The following SHTN1 variants were observed in gnomAD, a reference collection of about 807,000 sequenced individuals.
SHTN1 encodes shootin-1.
In SHTN1, 42 loss-of-function variants were observed where a neutral mutation model predicts 83.1. That is an observed-to-expected ratio of 0.51 (90% CI 0.39 to 0.65). The LOEUF (loss-of-function observed/expected upper bound fraction) is 0.65, where lower values mean the gene tolerates loss of function less well. Ranked by LOEUF, SHTN1 falls within the 30% of genes least tolerant of loss-of-function variation. The probability of loss-of-function intolerance (pLI) is 0.00; values close to 1 mark genes in which losing one functional copy is unlikely to be tolerated. For synonymous variants in SHTN1, 224 were observed against 247.7 expected (o/e 0.90, Z 0.90); for missense variants, 622 against 737.8 (o/e 0.84, Z 1.82).
chr10:117,117,506 C>T (rs1200855970), intron 1 of SHTN1, among the ~76,000 whole-genome samples: 1 of 152,124 alleles, frequency 6.6e-6, no homozygotes, highest in Non-Finnish European at 1.5e-5. Flanking sequence ...TATCAAAATA[C>T]CAATGACATT....
intron 1 of SHTN1, among the ~76,000 whole-genome samples, chr10:117,125,130 G>A (rs2133651210): frequency 6.6e-6 from 1 of 152,254 alleles, no homozygotes. Flanking sequence ...GATGCTGGCA[G>A]ACATCACTAA....
chr10:117,003,582 T>C (rs1187546656), intron 1 of SHTN1, among the ~76,000 whole-genome samples: 1 of 151,984 alleles, frequency 6.6e-6, no homozygotes, highest in Non-Finnish European at 1.5e-5. Flanking sequence ...TCTGTGGTTT[T>C]ACGCAACAAC....
intron 2 of SHTN1, among the ~76,000 whole-genome samples, chr10:116,975,046 A>C (rs1850749880): frequency 6.6e-6 from 1 of 152,182 alleles, no homozygotes; most frequent in African/African-American, 2.4e-5. Context: ...TCAGTATGAT[A>C]GGCTCTTACT....
chr10:116,917,596 A>T (rs1848423192), intron 12 of SHTN1, among the ~76,000 whole-genome samples: 1 of 152,230 alleles, frequency 6.6e-6, no homozygotes, highest in Non-Finnish European at 1.5e-5. Context: ...CACCGCCTAC[A>T]AACAGATTAG....
At chr10:117,036,381 A>G (rs1364374705) in intron 2 of SHTN1, among the ~76,000 whole-genome samples, 3 of 152,204 alleles carry the variant, frequency 2.0e-5, no homozygotes, top group African/African-American at 4.8e-5. Context: ...TTTGGAAGCA[A>G]TGTAAGTGTT....
exon 1 of SHTN1, chr10:117,126,378 C>T: frequency 5.7e-6 from 1 of 176,350 alleles, no homozygotes; most frequent in Non-Finnish European, 1.2e-5. Context: ...GTGCCGGGTC[C>T]AGGCTCACAG....
In SHTN1 at chr10:117,081,837, T is replaced by C. The variant is rs1853269035; in HGVS notation, c.-188-33327A>G. On this transcript the variant is annotated intron_variant, in intron 1 of 17. Coordinates refer to the SHTN1 transcript ENST00000392901. ...TTTATTTGCGTAGAGGTGTTTGTAG[T>C]ATTCTCTGATGGTAGTTTGTACTTC... Among the ~76,000 whole-genome samples, 3 of 151,952 alleles carry C rather than the reference T, an allele frequency of 2.0e-5. No homozygotes were observed. In the South Asian group the frequency reaches 6.2e-4, roughly 32 times the overall value.
Position 116,882,821 on chromosome 10 carries a change from T to C in SHTN1, c.*3523A>G, listed in dbSNP as rs1564856389. ...ATGCAGGAGACTTGGTTGGTATCACTCTAAGTTGGAAGAACTGTGTCACAG... is the reference window on the plus strand; with the variant it reads ...ATGCAGGAGACTTGGTTGGTATCACCCTAAGTTGGAAGAACTGTGTCACAG... On this transcript the variant is annotated 3_prime_UTR_variant, in exon 17 of 17. Coordinates refer to ENST00000355371, the MANE Select transcript of SHTN1 (RefSeq NM_001127211.3). 1.3e-5 allele frequency: 2 copies of C among 152,170 alleles called. No individual in the cohort carries two copies. Among genetic ancestry groups the C allele is most frequent in the African/African-American group, 2.4e-5 (1 of 41,428 alleles). The allele number at this position is 152,170 out of a possible 1,614,324, so 9.4% of individuals were successfully genotyped here.
At chr10:117,071,888 C>T (rs1198550517) in intron 1 of SHTN1, among the ~76,000 whole-genome samples, 1 of 152,112 alleles carries the variant, frequency 6.6e-6, no homozygotes, top group Non-Finnish European at 1.5e-5. Context: ...TAACAAGGAG[C>T]ATCTGATAAT....
intron 7 of SHTN1, among the ~76,000 whole-genome samples, chr10:116,945,993 T>TA (rs1564890443): frequency 6.6e-6 from 1 of 152,100 alleles, no homozygotes; most frequent in East Asian, 1.9e-4. Context: ...TCCATTTACA[T>TA]AGAGTTCAAA....
chr10:116,999,277 A>G (rs1172408335), intron 1 of SHTN1, among the ~76,000 whole-genome samples: 2 of 152,264 alleles, frequency 1.3e-5, no homozygotes, highest in Non-Finnish European at 2.9e-5. Context: ...AAAAAATTAC[A>G]TATTACATGA....
At chr10:117,108,795 G>A in intron 1 of SHTN1, among the ~76,000 whole-genome samples, 1 of 152,190 alleles carries the variant, frequency 6.6e-6, no homozygotes, top group East Asian at 1.9e-4. Flanking sequence ...TAGCTAAGTT[G>A]ACACTGATGG....
chr10:117,099,949 GGGT>G (rs200801453), intron 1 of SHTN1, among the ~76,000 whole-genome samples: 3,525 of 152,096 alleles, frequency 0.023, 126 homozygotes, highest in African/African-American at 0.077. Flanking sequence ...AGGCCGAGGT[GGGT>G]GGATCATCTG....
intron 1 of SHTN1, among the ~76,000 whole-genome samples, chr10:116,998,574 A>T (rs1012537589): frequency 2.6e-5 from 4 of 152,142 alleles, no homozygotes; most frequent in African/African-American, 9.7e-5. Flanking sequence ...AAAAACTTGG[A>T]ATATATAGGG....
At chr10:116,949,102 C>T (rs1183968773) in intron 6 of SHTN1, 105 bp from the exon 7 acceptor site, 1 of 1,227,154 alleles carries the variant, frequency 8.1e-7, no homozygotes, top group Non-Finnish European at 1.1e-6. Context: ...CATGAAGTTA[C>T]AATTTAAAGC....
At chr10:117,115,735 A>G (rs540906157) in intron 1 of SHTN1, among the ~76,000 whole-genome samples, 1 of 152,310 alleles carries the variant, frequency 6.6e-6, no homozygotes, top group Non-Finnish European at 1.5e-5. Flanking sequence ...CAAACATTTC[A>G]CTAGAGATTT....
intron 1 of SHTN1, among the ~76,000 whole-genome samples, chr10:117,121,578 CA>C (rs534812194): frequency 4.8e-4 from 69 of 144,268 alleles, no homozygotes; most frequent in African/African-American, 1.4e-3. Context: ...GACTCTGACT[CA>C]AAAAAAAAAA....
At chr10:116,974,396 T>C (rs906993591) in intron 2 of SHTN1, among the ~76,000 whole-genome samples, 2 of 152,228 alleles carry the variant, frequency 1.3e-5, no homozygotes, top group African/African-American at 4.8e-5. Flanking sequence ...GGCTTCTTTA[T>C]TGATTTTTTT....
chr10:117,074,580 T>C (rs545761365), intron 1 of SHTN1, among the ~76,000 whole-genome samples: 2 of 152,224 alleles, frequency 1.3e-5, no homozygotes, highest in African/African-American at 2.4e-5. Flanking sequence ...AAATTTTAGA[T>C]CCTCTCTTGT....
Sources: gnomAD v4.1 joint callset for allele counts (sites outside exome capture counted in the v4.1 genomes callset) on GRCh38, gnomAD v4.1.1 for gene constraint, MANE v1.5 for transcripts, NCBI Gene and HGNC (gene_info 2026-07-23, HGNC 2026-07-21) for gene names.